The following HDDC2 variants were observed in gnomAD, a reference collection of about 807,000 sequenced individuals.
HDDC2 encodes 5'-deoxynucleotidase HDDC2.
HDDC2 carries 25 observed loss-of-function variants against 25.5 expected under a neutral mutation model. The ratio of observed to expected loss-of-function variants is 0.98; its 90% confidence interval spans 0.72 to 1.37. The LOEUF (loss-of-function observed/expected upper bound fraction) is 1.37. Among genes scored for constraint, HDDC2 ranks in the 40% most tolerant of loss-of-function variants. HDDC2 has a pLI of 0.00. For missense variants in HDDC2, 264 were observed against 253.1 expected (o/e 1.04, Z -0.29); for synonymous variants, 106 against 89.7 (o/e 1.18, Z -1.03).
chr6:125,300,856 G>A (rs1371938622), intron 1 of HDDC2, among the ~76,000 whole-genome samples, 197 bp from the exon 2 acceptor site: 1 of 151,908 alleles, frequency 6.6e-6, no homozygotes, highest in Non-Finnish European at 1.5e-5. Context: ...AGAATGAAAG[G>A]GGTAGAAGAC....
chr6:125,298,280 C>T (rs574995208), intron 3 of HDDC2, among the ~76,000 whole-genome samples: 1 of 152,132 alleles, frequency 6.6e-6, no homozygotes, highest in Admixed American at 6.6e-5. Flanking sequence ...AATTACCTAG[C>T]CTCGGGTATT....
At chr6:125,298,860 T>C in intron 2 of HDDC2, 44 bp from the exon 3 acceptor site, 2 of 1,333,466 alleles carry the variant, frequency 1.5e-6, no homozygotes, top group Non-Finnish European at 2.2e-6. Context: ...GAATTATATT[T>C]ACTACAAGTT....
intron 4 of HDDC2, among the ~76,000 whole-genome samples, chr6:125,288,352 T>G (rs1798575386): frequency 6.6e-6 from 1 of 152,086 alleles, no homozygotes; most frequent in African/African-American, 2.4e-5. Flanking sequence ...CTGCAGAGCC[T>G]GGTGGCCAGG....
chr6:125,301,048 G>T (rs1798793692), intron 1 of HDDC2, among the ~76,000 whole-genome samples: 1 of 152,044 alleles, frequency 6.6e-6, no homozygotes, highest in African/African-American at 2.4e-5. Flanking sequence ...GTCTGAACGT[G>T]AACGAGTGAT....
chr6:125,292,116 G>A (rs189020475), intron 4 of HDDC2, among the ~76,000 whole-genome samples: 221 of 152,292 alleles, frequency 1.5e-3, no homozygotes, highest in Non-Finnish European at 2.8e-3. Flanking sequence ...GTGAGAGTGG[G>A]AGGAAAAGGC....
chr6:125,276,047 C>G lies in HDDC2; in HGVS notation c.*99G>C, dbSNP rs1307809653. ...TCAGACAATTGAAAACAAACAGACT[C>G]ACATCTAGGGAAATCAACAGACCAA... On this transcript the variant is annotated 3_prime_UTR_variant, in exon 6 of 6. Coordinates refer to ENST00000398153, the MANE Select transcript of HDDC2 (RefSeq NM_016063.3). 2.3e-6 allele frequency: 2 copies of G among 854,108 alleles called. No individual in the cohort carries two copies. Among genetic ancestry groups the G allele is most frequent in the Admixed American group, 4.1e-5 (2 of 49,242 alleles). The allele number at this position is 854,108 out of a possible 1,614,324, so 52.9% of individuals were successfully genotyped here.
intron 4 of HDDC2, chr6:125,278,407 T>C (rs955232319): frequency 6.6e-6 from 1 of 152,186 alleles, no homozygotes; most frequent in African/African-American, 2.4e-5. Flanking sequence ...TTTTTTTCTG[T>C]TGAAAGTGAG....
At chr6:125,284,691 T>C (rs921401735) in intron 4 of HDDC2, among the ~76,000 whole-genome samples, 2 of 152,152 alleles carry the variant, frequency 1.3e-5, no homozygotes, top group African/African-American at 4.8e-5. Flanking sequence ...TGTGGAGAAA[T>C]AGGAATGCTT....
At chr6:125,301,655 C>T (rs1477004349) in intron 1 of HDDC2, among the ~76,000 whole-genome samples, 194 bp downstream of exon 1, 1 of 152,170 alleles carries the variant, frequency 6.6e-6, no homozygotes, top group Admixed American at 6.5e-5. Context: ...CCAGCCTGTC[C>T]CGCCGGCTGC....
At chr6:125,288,364 C>T (rs1798575530) in intron 4 of HDDC2, among the ~76,000 whole-genome samples, 1 of 152,038 alleles carries the variant, frequency 6.6e-6, no homozygotes, top group Admixed American at 6.5e-5. Context: ...GTGGCCAGGG[C>T]GGCTGTGACC....
intron 4 of HDDC2, among the ~76,000 whole-genome samples, chr6:125,281,895 T>A (rs991681703): frequency 5.3e-5 from 8 of 152,052 alleles, no homozygotes; most frequent in African/African-American, 1.9e-4. Flanking sequence ...AGACACATAA[T>A]CAGCAGATTC....
Position 125,292,859 on chromosome 6 carries a change from C to T in HDDC2, c.360G>A (p.Glu120=). 1 of 1,612,844 alleles carries T rather than the reference C, an allele frequency of 6.2e-7. No homozygotes were observed. The change falls in exon 4 of 6, where the codon GAG becomes GAA. Residue 120 remains glutamate, a synonymous_variant. Coordinates refer to ENST00000398153, the MANE Select transcript of HDDC2 (RefSeq NM_016063.3). ...TQLLPEDLRK[E]LYELWEEYET... Reference sequence around the variant, plus strand: ...TACTTACTTCCCAAAGTTCATAGAGCTCCTTTCTGAGGTCCTCTGGTAGGA... The same window carrying T: ...TACTTACTTCCCAAAGTTCATAGAGTTCCTTTCTGAGGTCCTCTGGTAGGA...
At chr6:125,297,729 T>C (rs1471543407) in intron 3 of HDDC2, among the ~76,000 whole-genome samples, 3 of 152,198 alleles carry the variant, frequency 2.0e-5, no homozygotes, top group Non-Finnish European at 4.4e-5. Context: ...CTTAGGCCTC[T>C]AATAAAAGTA....
intron 5 of HDDC2, 179 bp downstream of exon 5, chr6:125,276,923 T>A (rs1484857760): frequency 1.6e-6 from 1 of 617,964 alleles, no homozygotes; most frequent in Non-Finnish European, 2.8e-6. Context: ...TAAACTCTAT[T>A]CCATTTATTT....
At chr6:125,284,833 T>C (rs746530372) in intron 4 of HDDC2, among the ~76,000 whole-genome samples, 11 of 152,216 alleles carry the variant, frequency 7.2e-5, no homozygotes, top group Non-Finnish European at 1.5e-4. Context: ...CAAAGGATTA[T>C]AAATCATTCT....
At chr6:125,290,155 C>A (rs1798609105) in intron 4 of HDDC2, among the ~76,000 whole-genome samples, 1 of 152,164 alleles carries the variant, frequency 6.6e-6, no homozygotes, top group African/African-American at 2.4e-5. Context: ...TCAGTGAGTA[C>A]AGAATGACCC....
intron 3 of HDDC2, chr6:125,297,647 C>G: frequency 2.5e-6 from 1 of 398,728 alleles, no homozygotes; most frequent in Non-Finnish European, 4.4e-6. Context: ...TGAGAATAGA[C>G]ATTTAAACAC....
At chr6:125,276,287 A>T in intron 5 of HDDC2, 44 bp from the exon 6 acceptor site, 1 of 1,385,822 alleles carries the variant, frequency 7.2e-7, no homozygotes, top group Non-Finnish European at 1.0e-6. Flanking sequence ...CCATATTGAC[A>T]AGAGAGTATA....
chr6:125,286,539 G>C (rs1003404068), intron 4 of HDDC2, among the ~76,000 whole-genome samples: 1 of 152,202 alleles, frequency 6.6e-6, no homozygotes, highest in Non-Finnish European at 1.5e-5. Context: ...GTGGAAAAAA[G>C]GATACGCACC....
Sources: allele counts gnomAD v4.1 joint callset (sites outside exome capture counted in the v4.1 genomes callset), GRCh38; gene constraint gnomAD v4.1.1; transcripts MANE v1.5; gene names NCBI Gene and HGNC (gene_info 2026-07-23, HGNC 2026-07-21).